VPS13C: variants seen among roughly 807,000 people sequenced by gnomAD.
VPS13C encodes the protein vacuolar protein sorting 13 homolog C, also known as intermembrane lipid transfer protein VPS13C.
A neutral mutation model predicts 456.8 loss-of-function variants in VPS13C; 358 were observed. The ratio of observed to expected loss-of-function variants is 0.78; its 90% CI spans 0.72 to 0.86. The LOEUF (loss-of-function observed/expected upper bound fraction) is 0.86. Among genes scored for constraint, VPS13C ranks in the 40% least tolerant of loss-of-function variants. The probability of loss-of-function intolerance (pLI) is 0.00; values close to 1 mark genes in which losing one functional copy is unlikely to be tolerated. For missense variants in VPS13C, 4,818 were observed against 4,385.4 expected, an observed-to-expected ratio of 1.10 and a Z score of -2.79; for synonymous variants, 1,578 against 1,486.7, an observed-to-expected ratio of 1.06 and a Z score of -1.41.
intron 5 of VPS13C, among the ~76,000 whole-genome samples, chr15:62,031,063 A>G (rs1432126053): frequency 1.3e-5 from 2 of 152,142 alleles, no homozygotes; most frequent in Non-Finnish European, 1.5e-5. Flanking sequence ...CTCCAATGAA[A>G]TAAAAGGAGA....
intron 49 of VPS13C, among the ~76,000 whole-genome samples, chr15:61,932,761 A>T (rs1450763295): frequency 6.6e-6 from 1 of 152,212 alleles, no homozygotes; most frequent in African/African-American, 2.4e-5. Flanking sequence ...ATGAAAATGG[A>T]AATAATTCAC....
chr15:61,960,241 C>T (rs975616911), intron 35 of VPS13C, among the ~76,000 whole-genome samples: 1 of 152,032 alleles, frequency 6.6e-6, no homozygotes, highest in African/African-American at 2.4e-5. Context: ...GTGAGTGGAA[C>T]CGGACTGTAG....
chr15:61,940,880 G>C (rs2044398185), intron 46 of VPS13C, 86 bp from the exon 47 acceptor site: 1 of 1,339,320 alleles, frequency 7.5e-7, no homozygotes, highest in Admixed American at 2.5e-5. Flanking sequence ...TTTCCACACA[G>C]CATTTCATAA....
chr15:61,859,793 T>C (rs754482369), intron 82 of VPS13C, among the ~76,000 whole-genome samples: 4 of 152,136 alleles, frequency 2.6e-5, no homozygotes, highest in African/African-American at 9.7e-5. Context: ...GGAACAGAGA[T>C]GTAACTTCAT....
chr15:61,932,943 T>C (rs574489399), intron 49 of VPS13C, among the ~76,000 whole-genome samples: 30 of 152,242 alleles, frequency 2.0e-4, no homozygotes, highest in African/African-American at 7.2e-4. Context: ...CAATGTTTAT[T>C]AGTGGAAAGG....
intron 53 of VPS13C, among the ~76,000 whole-genome samples, chr15:61,923,741 T>C (rs966475557): frequency 1.3e-5 from 2 of 150,062 alleles, no homozygotes; most frequent in African/African-American, 2.5e-5. Flanking sequence ...TGTATTGTTT[T>C]CCTAACTTAC....
At chr15:61,999,213 T>C (rs1484896415) in intron 16 of VPS13C, among the ~76,000 whole-genome samples, 1 of 152,092 alleles carries the variant, frequency 6.6e-6, no homozygotes, top group Non-Finnish European at 1.5e-5. Flanking sequence ...ACCCCATCTC[T>C]ACTAAAAATA....
rs1467890910 is a variant in VPS13C, at chr15:61,919,785, C to T, written c.7477+282G>A. On this transcript the variant is annotated intron_variant, in intron 57 of 84. Transcript: ENST00000644861. ...GCTATTTTCTCTCCTCAGTAAACTC[C>T]TATCCTTTTAAAAACACATTATATA... 6.7e-5 allele frequency among the ~76,000 whole-genome samples: 10 copies of T among 148,396 alleles called. No homozygotes were observed. The East Asian group carries it at 2.0e-3, about 29-fold the overall frequency.
At chr15:61,982,309 G>A (rs2045912044) in intron 21 of VPS13C, 150 bp downstream of exon 21, 2 of 468,152 alleles carry the variant, frequency 4.3e-6, no homozygotes, top group Admixed American at 8.2e-5. Flanking sequence ...ATTTGATTTT[G>A]AGAAAGCCAT....
At chr15:61,863,735 T>C in intron 81 of VPS13C, 2 of 408,206 alleles carry the variant, frequency 4.9e-6, no homozygotes, top group Non-Finnish European at 8.7e-6. Flanking sequence ...AAGAAAAACA[T>C]GTAATAAATG....
intron 1 of VPS13C, among the ~76,000 whole-genome samples, chr15:62,050,190 A>G (rs1180170850): frequency 6.6e-6 from 1 of 152,208 alleles, no homozygotes; most frequent in Non-Finnish European, 1.5e-5. Context: ...TTAACTAATA[A>G]TTGGAGATGA....
At position 61,880,872 on chromosome 15, in the gene VPS13C, T is replaced by C. The variant is rs115660089; in HGVS notation, c.9859A>G (p.Thr3287Ala). Residue 3287 changes from threonine (T) to alanine (A), a missense_variant, in exon 72 of 85, where the codon ACA becomes GCA. Around this residue, in one of 3 missense-constraint regions of VPS13C, gnomAD observed 4,552 missense variants for 4,130.6 expected, o/e 1.10. Coordinates refer to ENST00000644861, the MANE Select transcript of VPS13C (RefSeq NM_020821.3). ...CTTCTTTCAGCTTCAGGGTCTGTTG[T>C]TGGGGTAAACAGTGCAATAATAGCT... ...LGAIIALFTPTTDPEAERRRT... is the reference protein window; with the variant it reads ...LGAIIALFTPATDPEAERRRT... 25 of 1,605,620 alleles carry C rather than the reference T, an allele frequency of 1.6e-5. No homozygotes were observed. The African/African-American group carries it at 3.3e-4, about 22-fold the overall frequency.
intron 15 of VPS13C, among the ~76,000 whole-genome samples, chr15:62,002,521 T>C (rs1469601841): frequency 6.6e-6 from 1 of 152,230 alleles, no homozygotes; most frequent in African/African-American, 2.4e-5. Flanking sequence ...CGCTTTAGTT[T>C]AATTAGATCC....
chr15:62,042,912 T>C (rs571909099), intron 2 of VPS13C, among the ~76,000 whole-genome samples: 1 of 150,722 alleles, frequency 6.6e-6, no homozygotes, highest in African/African-American at 2.4e-5. Context: ...ACTTAAAGTA[T>C]AATAAAAAAT....
rs1363904240 is a variant in VPS13C at position 61,959,671 on chromosome 15, A to C, written c.3909-76T>G. On this transcript the variant is annotated intron_variant, in intron 35 of 84. Transcript: ENST00000644861. ...AACATATTAAAAAAAAGCAAAGTCA[A>C]GCAGTTATTTGCTGCTCTAAATACT... is the stretch of plus-strand genomic sequence containing the variant. 4.8e-6 allele frequency: 7 copies of C among 1,470,506 alleles called. No individual in the cohort carries two copies. The East Asian group carries it at 9.3e-5, about 20-fold the overall frequency. The allele number at this position is 1,470,506 out of a possible 1,614,324, so 91.1% of individuals were successfully genotyped here.
In VPS13C at chr15:61,919,414, C is replaced by T. The variant is rs2043577405; in HGVS notation, c.7513G>A (p.Val2505Met). 9 of 1,591,608 alleles carry T rather than the reference C, an allele frequency of 5.7e-6. No homozygotes were observed. Among genetic ancestry groups the T allele is most frequent in the Non-Finnish European group, 7.7e-6 (9 of 1,171,400 alleles). ...TACAATCGCCGTCCAGGTCTGGCCA[C>T]AGGGATATTTGCAACTTCTGTATAT... The part of the protein sequence containing the change: ...HGYTEVANIP[V>M]ARPGRRLYNV... The change falls in exon 58 of 85, where the codon GTG becomes ATG. Residue 2505 changes from valine (V) to methionine (M), a missense_variant. Val to Met is a conservative substitution (Grantham distance 21). Around this residue, in one of 3 missense-constraint regions of VPS13C, gnomAD observed 4,552 missense variants for 4,130.6 expected, o/e 1.10. Transcript: ENST00000644861.
chr15:61,893,178 A>G (rs945771421), intron 66 of VPS13C, among the ~76,000 whole-genome samples: 3 of 152,218 alleles, frequency 2.0e-5, no homozygotes, highest in African/African-American at 7.2e-5. Flanking sequence ...CCTAAGGCAT[A>G]TAATAATCAA....
At chr15:62,053,950 C>G (rs1380464999) in intron 1 of VPS13C, among the ~76,000 whole-genome samples, 2 of 152,168 alleles carry the variant, frequency 1.3e-5, no homozygotes, top group Non-Finnish European at 2.9e-5. Flanking sequence ...TCTAACACAT[C>G]ACAGTTCCTA....
intron 81 of VPS13C, chr15:61,866,250 T>C (rs1738349675): frequency 3.0e-6 from 3 of 984,620 alleles, no homozygotes; most frequent in Non-Finnish European, 3.6e-6. Flanking sequence ...TTTCTTCCAG[T>C]AATTATAATA....
Sources: gnomAD v4.1 joint callset for allele counts (sites outside exome capture counted in the v4.1 genomes callset) on GRCh38, gnomAD v4.1.1 for gene constraint, gnomAD v4.1.1 regional missense constraint, MANE v1.5 for transcripts, NCBI Gene and HGNC (gene_info 2026-07-23, HGNC 2026-07-21) for gene names.